AGBL1: variants seen among roughly 807,000 people sequenced by gnomAD.
The protein encoded by AGBL1 is cytosolic carboxypeptidase 4.
A neutral mutation model predicts 118.9 loss-of-function variants in AGBL1; 130 were observed. That is an observed-to-expected ratio of 1.09 (90% CI 0.95 to 1.26). The LOEUF (loss-of-function observed/expected upper bound fraction) is 1.26. Ranked by LOEUF, AGBL1 falls within the 50% of genes most tolerant of loss-of-function variation. The probability of loss-of-function intolerance (pLI) is 0.00; values close to 1 mark genes in which losing one functional copy is unlikely to be tolerated. For missense variants in AGBL1, 1,584 were observed against 1,298.1 expected, an observed-to-expected ratio of 1.22 and a Z score of -3.38; for synonymous variants, 555 against 478.9, an observed-to-expected ratio of 1.16 and a Z score of -2.08.
At chr15:86,148,330 C>T (rs184264642) in intron 3 of AGBL1, among the ~76,000 whole-genome samples, 57 of 152,184 alleles carry the variant, frequency 3.7e-4, no homozygotes, top group African/African-American at 1.3e-3. Context: ...ACAAACTTTT[C>T]TGAGGTAAAG....
At chr15:86,661,537 G>C (rs536875626) in intron 21 of AGBL1, among the ~76,000 whole-genome samples, 193 of 151,920 alleles carry the variant, frequency 1.3e-3, no homozygotes, top group Non-Finnish European at 1.9e-3. Flanking sequence ...ATCATTATCT[G>C]CAGCAAATAA....
At chr15:86,596,805 T>G (rs1307524153) in intron 21 of AGBL1, among the ~76,000 whole-genome samples, 2 of 152,206 alleles carry the variant, frequency 1.3e-5, no homozygotes, top group African/African-American at 4.8e-5. Flanking sequence ...TGAATCTATT[T>G]ACCTTGCTTT....
intron 6 of AGBL1, 92 bp downstream of exon 6, chr15:86,225,043 T>G: frequency 7.4e-7 from 1 of 1,343,222 alleles, no homozygotes; most frequent in South Asian, 1.3e-5. Flanking sequence ...CTTTTTTTTT[T>G]TTTTTCATGA....
At chr15:86,931,360 C>T (rs1248145884) in intron 23 of AGBL1, among the ~76,000 whole-genome samples, 1 of 152,158 alleles carries the variant, frequency 6.6e-6, no homozygotes, top group African/African-American at 2.4e-5. Flanking sequence ...GTCAGGTCTT[C>T]AGAGTGAGGT....
Position 86,262,849 on chromosome 15 carries a change from G to A in AGBL1, c.1041G>A (p.Leu347=), listed in dbSNP as rs1163887423. The change falls in exon 10 of 23, where the codon CTG becomes CTA. Residue 347 remains leucine (L), a synonymous_variant. Transcript: ENST00000614907. ...KPGLDRPEEE[L]MQYEVMCLEL... ...GTCTTGACCGACCTGAAGAGGAACT[G>A]ATGCAATATGAGGTGATGTGTCTTG... is the stretch of plus-strand genomic sequence containing the variant. The A allele has an allele frequency of 6.2e-7, 1 of 1,610,664 alleles. No homozygotes were observed. The highest frequency in any genetic ancestry group is 8.5e-7 in the Non-Finnish European group (1 of 1,178,646).
chr15:86,721,657 G>A (rs1484833711), intron 22 of AGBL1, among the ~76,000 whole-genome samples: 1 of 152,174 alleles, frequency 6.6e-6, no homozygotes, highest in Non-Finnish European at 1.5e-5. Flanking sequence ...TCTGGCCAGG[G>A]CAATTAGGCA....
chr15:86,154,970 C>T (rs2077168488), intron 4 of AGBL1, among the ~76,000 whole-genome samples: 1 of 152,074 alleles, frequency 6.6e-6, no homozygotes, highest in African/African-American at 2.4e-5. Flanking sequence ...CTACCATATT[C>T]CTGAAATTAC....
At chr15:86,606,134 A>AG (rs1362154495) in intron 21 of AGBL1, among the ~76,000 whole-genome samples, 1 of 151,186 alleles carries the variant, frequency 6.6e-6, no homozygotes, top group Non-Finnish European at 1.5e-5. Context: ...CTCAAAAAAA[A>AG]AAAAAAAAAG....
chr15:86,419,029 G>A (rs963007337), intron 18 of AGBL1, among the ~76,000 whole-genome samples: 1 of 152,014 alleles, frequency 6.6e-6, no homozygotes, highest in African/African-American at 2.4e-5. Context: ...GATCATAGAT[G>A]GCAAAGACTG....
intron 1 of AGBL1, among the ~76,000 whole-genome samples, chr15:86,093,553 A>G (rs1286542991): frequency 1.3e-5 from 2 of 152,180 alleles, no homozygotes; most frequent in Non-Finnish European, 2.9e-5. Context: ...GTGAACTACA[A>G]TCTACAAGAA....
chr15:86,528,059 C>A (rs552862167), intron 19 of AGBL1, among the ~76,000 whole-genome samples: 59 of 152,246 alleles, frequency 3.9e-4, no homozygotes, highest in Non-Finnish European at 7.9e-4. Flanking sequence ...GTCAGGGATA[C>A]AAAGAAAATA....
At chr15:86,121,625 T>C (rs1339462462) in intron 1 of AGBL1, among the ~76,000 whole-genome samples, 1 of 152,176 alleles carries the variant, frequency 6.6e-6, no homozygotes, top group African/African-American at 2.4e-5. Flanking sequence ...GAAGTCTGAG[T>C]TTCTGATTCA....
intron 5 of AGBL1, among the ~76,000 whole-genome samples, chr15:86,186,360 A>G (rs1392615348): frequency 1.3e-5 from 2 of 152,212 alleles, no homozygotes; most frequent in African/African-American, 2.4e-5. Context: ...TGTATCCCGG[A>G]ACTTAAAATA....
rs76937964 is a variant in AGBL1, at chr15:86,711,868, C to T, written c.3158+37432C>T. 1.7e-3 allele frequency among the ~76,000 whole-genome samples: 266 copies of T among 152,312 alleles called. 3 individuals carry two copies. In the East Asian group the frequency reaches 0.022, roughly 13 times the overall value. On this transcript the variant is annotated intron_variant, in intron 22 of 22. Coordinates refer to ENST00000614907, the MANE Select transcript of AGBL1 (RefSeq NM_001386094.1). ...TTGATTCAGAAGATAGAAATCAATA[C>T]TGTGATAGTATCACCATCATCAGAG...
chr15:86,577,643 T>C (rs567352167), intron 21 of AGBL1, among the ~76,000 whole-genome samples: 6 of 151,944 alleles, frequency 3.9e-5, no homozygotes, highest in African/African-American at 1.5e-4. Context: ...GAAAAAGTGG[T>C]TTAATGGACC....
chr15:86,751,701 A>G lies in AGBL1; in HGVS notation c.3158+77265A>G, dbSNP rs142014033. On this transcript the variant is annotated intron_variant, in intron 22 of 22. Coordinates refer to ENST00000614907, the MANE Select transcript of AGBL1 (RefSeq NM_001386094.1). ...TTCAATGACCATCTTATAGATGAAA[A>G]CTGTATTACATATCTTATTTAAATG... 6.6e-3 allele frequency among the ~76,000 whole-genome samples: 1,008 copies of G among 152,246 alleles called. 11 individuals are homozygous for G. Among genetic ancestry groups the G allele is most frequent in the African/African-American group, 0.023 (966 of 41,558 alleles).
At position 86,397,357 on chromosome 15, in the gene AGBL1, T is replaced by C. The variant is rs982567699; in HGVS notation, c.2375-9T>C. ...TGGGTTTAATTTTCTTATGTCCCTT[T>C]TTCTGCAGGACATCGTCCATATCAG... On this transcript the variant is annotated splice_polypyrimidine_tract_variant and intron_variant, in intron 17 of 22. Transcript: ENST00000614907. The C allele has an allele frequency of 6.1e-6, 9 of 1,479,530 alleles. No individual in the cohort carries two copies. The highest frequency in any genetic ancestry group is 4.1e-5 in the Admixed American group (2 of 48,606). 91.7% of individuals were successfully genotyped at this position (1,479,530 alleles called of 1,614,324 possible). A position where few individuals can be genotyped will look rare whatever the true frequency, so the allele number is the denominator to read the frequency against.
In AGBL1 at chr15:86,845,543, G is replaced by A. The variant is rs1217315122; in HGVS notation, c.3159-61544G>A. Among the ~76,000 whole-genome samples, 3 of 152,148 alleles carry A rather than the reference G, an allele frequency of 2.0e-5. No homozygotes were observed. In the East Asian group the frequency reaches 5.8e-4, roughly 29 times the overall value. On this transcript the variant is annotated intron_variant, in intron 22 of 22. Transcript: ENST00000614907. ...TTATACTCATGAAGGATATTGATCT[G>A]TATTTTACTTTATTCTTTTGATCTG...
intron 21 of AGBL1, among the ~76,000 whole-genome samples, chr15:86,627,322 T>C (rs1373557124): frequency 6.6e-6 from 1 of 152,086 alleles, no homozygotes; most frequent in Non-Finnish European, 1.5e-5. Flanking sequence ...TATAAAGAAG[T>C]TTTTGCCTAT....
Sources: gnomAD v4.1 joint callset for allele counts (sites outside exome capture counted in the v4.1 genomes callset) on GRCh38, gnomAD v4.1.1 for gene constraint, MANE v1.5 for transcripts, NCBI Gene and HGNC (gene_info 2026-07-23, HGNC 2026-07-21) for gene names.